ASB15: variants seen among roughly 807,000 people sequenced by gnomAD.
ASB15 encodes the protein ankyrin repeat and SOCS box protein 15.
ASB15 carries 54 observed loss-of-function variants against 58.0 expected under a neutral mutation model. The ratio of observed to expected loss-of-function variants is 0.93; its 90% CI spans 0.75 to 1.17. The LOEUF is 1.17. ASB15 is among the 50% of genes most tolerant of loss of function. The pLI is 0.00. For missense variants in ASB15, 680 were observed against 707.4 expected (o/e 0.96, Z 0.44); for synonymous variants, 249 against 262.4 (o/e 0.95, Z 0.50).
At chr7:123,593,532 C>T (rs757280873) in intron 1 of ASB15, among the ~76,000 whole-genome samples, 1 of 152,010 alleles carries the variant, frequency 6.6e-6, no homozygotes, top group African/African-American at 2.4e-5. Context: ...ACTTACAAAG[C>T]TTAGTTTGGC....
intron 8 of ASB15, among the ~76,000 whole-genome samples, chr7:123,626,349 G>A (rs1801773131): frequency 6.6e-6 from 1 of 152,128 alleles, no homozygotes; most frequent in South Asian, 2.1e-4. Flanking sequence ...GCACATGCCT[G>A]CAATCCCAGC....
At chr7:123,567,818 G>GA (rs369099849) in intron 1 of ASB15, among the ~76,000 whole-genome samples, 71 of 143,934 alleles carry the variant, frequency 4.9e-4, no homozygotes, top group Admixed American at 1.8e-3. Flanking sequence ...ACCTTGGAAA[G>GA]AAAAAAAAAA....
In ASB15 at chr7:123,616,251, ACT is replaced by A; in HGVS notation, c.139_140del (p.Leu47CysfsTer11). ...TACCCCTAAGTGCTCAAAACAGAAA[ACT>A]TGTGGAGGCCATAAAACAAGGTAAA... ...FVPLSAQNRK[L>X]VEAIKQGHIP... On this transcript the variant is annotated frameshift_variant, in exon 5 of 12. Transcript: ENST00000451215. LOFTEE classifies it high-confidence loss of function. 1 of 1,608,506 alleles carries A rather than the reference ACT, an allele frequency of 6.2e-7. No individual in the cohort carries two copies. Among genetic ancestry groups the A allele is most frequent in the South Asian group, 1.1e-5 (1 of 90,928 alleles).
chr7:123,578,536 G>C (rs568844047), intron 1 of ASB15, among the ~76,000 whole-genome samples: 19 of 152,050 alleles, frequency 1.2e-4, no homozygotes, highest in Admixed American at 9.8e-4. Flanking sequence ...TGCAAGCTCA[G>C]TTAATTTCAG....
At chr7:123,574,905 T>C (rs1562907293) in intron 1 of ASB15, among the ~76,000 whole-genome samples, 1 of 151,834 alleles carries the variant, frequency 6.6e-6, no homozygotes. Context: ...ACATCATACT[T>C]GTTTAACTCT....
intron 4 of ASB15, chr7:123,615,488 T>A (rs1418318739): frequency 6.6e-6 from 1 of 152,218 alleles, no homozygotes; most frequent in Non-Finnish European, 1.5e-5. Flanking sequence ...CAGAGCTTCC[T>A]GGAAGGCATT....
At chr7:123,620,534 A>T (rs1562933289) in intron 7 of ASB15, among the ~76,000 whole-genome samples, 1 of 16,702 alleles carries the variant, frequency 6.0e-5, no homozygotes, top group African/African-American at 2.1e-4. Flanking sequence ...ATATATATAT[A>T]TATATATATA....
At chr7:123,614,752 G>A (rs1162149667) in intron 4 of ASB15, 143 bp downstream of exon 4, 12 of 661,238 alleles carry the variant, frequency 1.8e-5, no homozygotes, top group Non-Finnish European at 3.2e-5. Flanking sequence ...GCTTTCCAAG[G>A]GCCACTGTTC....
chr7:123,624,822 A>G lies in ASB15; in HGVS notation c.697+8A>G, dbSNP rs541870500. ...AACATCTAATCCACAAAGGTATGTG[A>G]AAAGGAGTTACACTTCCTGACTTTT... On this transcript the variant is annotated splice_region_variant and intron_variant, in intron 8 of 11. Coordinates refer to ENST00000451215, the MANE Select transcript of ASB15 (RefSeq NM_001290258.2). 1.6e-5 allele frequency: 25 copies of G among 1,611,946 alleles called. No homozygotes were observed. In the East Asian group the frequency reaches 5.6e-4, roughly 36 times the overall value.
chr7:123,623,913 AG>A (rs2116604092), intron 7 of ASB15, among the ~76,000 whole-genome samples: 9 of 121,004 alleles, frequency 7.4e-5, no homozygotes, highest in Admixed American at 6.1e-4. Flanking sequence ...GAAGGAAGGA[AG>A]GAAGGAAGAA....
intron 11 of ASB15, among the ~76,000 whole-genome samples, chr7:123,635,658 T>C (rs1413291703): frequency 2.5e-5 from 3 of 119,868 alleles, no homozygotes; most frequent in Non-Finnish European, 3.3e-5. Context: ...CAAGTAAGAA[T>C]AAGGCCAGGA....
chr7:123,630,707 C>A (rs1358305430), intron 11 of ASB15, among the ~76,000 whole-genome samples: 1 of 151,844 alleles, frequency 6.6e-6, no homozygotes. Flanking sequence ...AAATAAAAAC[C>A]AGAAAAATAT....
upstream of ASB15, among the ~76,000 whole-genome samples, chr7:123,601,699 G>A (rs575292463): frequency 6.6e-6 from 1 of 152,036 alleles, no homozygotes; most frequent in Non-Finnish European, 1.5e-5. Context: ...GTAGGCTTGC[G>A]TTTCTTTTGA....
At chr7:123,618,210 A>G (rs1314004372) in intron 7 of ASB15, among the ~76,000 whole-genome samples, 2 of 152,214 alleles carry the variant, frequency 1.3e-5, no homozygotes, top group African/African-American at 2.4e-5. Flanking sequence ...TGAGGGGTAC[A>G]CTGTGACACG....
rs2116635228 is a variant in ASB15, at chr7:123,627,200, T to C, written c.788T>C (p.Leu263Pro). 6.2e-7 allele frequency: 1 copy of C among 1,614,032 alleles called. No individual in the cohort carries two copies. Among genetic ancestry groups the C allele is most frequent in the Non-Finnish European group, 8.5e-7 (1 of 1,179,938 alleles). The change falls in exon 9 of 12, where the codon CTG (leucine) becomes CCG (proline). Residue 263 changes from leucine (L) to proline (P), a missense_variant. By Grantham distance (98) the Leu-to-Pro change is moderately conservative. Coordinates refer to ENST00000451215, the MANE Select transcript of ASB15 (RefSeq NM_001290258.2). Reference sequence around the variant, plus strand: ...AATCCCGACTGCATTTCCCTCCTGCTGGAATATGGAGGAAGCGGAAATGTA... The same window carrying C: ...AATCCCGACTGCATTTCCCTCCTGCCGGAATATGGAGGAAGCGGAAATGTA... ...GGNPDCISLL[L>P]EYGGSGNVPN... is the part of the protein sequence containing the mutation.
intron 1 of ASB15, among the ~76,000 whole-genome samples, chr7:123,574,465 C>T (rs1584721774): frequency 6.6e-6 from 1 of 152,138 alleles, no homozygotes; most frequent in Non-Finnish European, 1.5e-5. Context: ...GGGATAGGAC[C>T]TGAATATGAA....
At position 123,633,357 on chromosome 7, in the gene ASB15, T is replaced by C. The variant is rs796435625; in HGVS notation, c.1594+3238T>C. 3.9e-5 allele frequency among the ~76,000 whole-genome samples: 6 copies of C among 151,992 alleles called. No individual in the cohort carries two copies. The South Asian group carries it at 8.3e-4, about 21-fold the overall frequency. On this transcript the variant is annotated intron_variant, in intron 11 of 11. Coordinates refer to ENST00000451215, the MANE Select transcript of ASB15 (RefSeq NM_001290258.2). ...ATTTTTAAATATCTTAAAATATTGA[T>C]AGTGATATAATATTAATATTGTTAT...
At chr7:123,592,478 C>G (rs913712085) in intron 1 of ASB15, among the ~76,000 whole-genome samples, 1 of 152,110 alleles carries the variant, frequency 6.6e-6, no homozygotes, top group African/African-American at 2.4e-5. Context: ...GATTCTGGTA[C>G]GTTGTGTCTT....
chr7:123,582,060 C>G (rs991185669), intron 1 of ASB15, among the ~76,000 whole-genome samples: 1 of 151,966 alleles, frequency 6.6e-6, no homozygotes, highest in Non-Finnish European at 1.5e-5. Flanking sequence ...AAATCTCCAT[C>G]TATATTGTAA....
Sources: gnomAD v4.1 joint callset for allele counts (sites outside exome capture counted in the v4.1 genomes callset) on GRCh38, gnomAD v4.1.1 for gene constraint, MANE v1.5 for transcripts, NCBI Gene and HGNC (gene_info 2026-07-23, HGNC 2026-07-21) for gene names.